XPNPEP2: variants seen among roughly 807,000 people sequenced by gnomAD.
XPNPEP2 encodes X-prolyl aminopeptidase 2, also known as xaa-Pro aminopeptidase 2.
XPNPEP2 carries 64 observed loss-of-function variants against 59.8 expected under a neutral mutation model. That is an observed-to-expected ratio of 1.07 (90% CI 0.87 to 1.32). XPNPEP2 has a LOEUF of 1.32. Among genes scored for constraint, XPNPEP2 ranks in the 40% most tolerant of loss-of-function variants. The probability of loss-of-function intolerance (pLI) is 0.00; values close to 1 mark genes in which losing one functional copy is unlikely to be tolerated. For missense variants in XPNPEP2, 575 were observed against 546.8 expected, an observed-to-expected ratio of 1.05 and a Z score of -0.51; for synonymous variants, 235 against 210.0, an observed-to-expected ratio of 1.12 and a Z score of -1.03.
At chrX:129,758,177 T>TAGGG (rs1926591178) in intron 14 of XPNPEP2, among the ~76,000 whole-genome samples, 1 of 111,629 alleles carries the variant, frequency 9.0e-6, no homozygotes, top group Non-Finnish European at 1.9e-5. Flanking sequence ...GCTCTTTGCT[T>TAGGG]GTTCTTAGCA....
rs1197380561 is a variant in XPNPEP2, at chrX:129,768,739, G to A, written c.*254G>A. 2 of 278,153 alleles carry A rather than the reference G, an allele frequency of 7.2e-6. No homozygotes were observed. Among genetic ancestry groups the A allele is most frequent in the Non-Finnish European group, 1.3e-5 (2 of 159,189 alleles). 22.9% of individuals were successfully genotyped at this position (278,153 alleles called of 1,213,427 possible). A position where few individuals can be genotyped will look rare whatever the true frequency, so the allele number is the denominator to read the frequency against. ...CCCTGGGCCCCTAATCCCAGGCCCC[G>A]AGATAGGAAAGCCAGCTAGTCTCTT... On this transcript the variant is annotated 3_prime_UTR_variant, in exon 21 of 21. Coordinates refer to ENST00000371106, the MANE Select transcript of XPNPEP2 (RefSeq NM_003399.6).
At chrX:129,756,731 T>C in intron 14 of XPNPEP2, among the ~76,000 whole-genome samples, 176 bp downstream of exon 14, 1 of 109,834 alleles carries the variant, frequency 9.1e-6, no homozygotes, top group Middle Eastern at 4.7e-3. Context: ...CCCTGCACAG[T>C]GGGAAATACA....
chrX:129,746,406 G>C, intron 5 of XPNPEP2, 66 bp downstream of exon 5: 1 of 1,065,470 alleles, frequency 9.4e-7, no homozygotes, highest in East Asian at 3.0e-5. Context: ...GAAGGTATAG[G>C]TGAGAGCGTG....
chrX:129,765,766 T>A (rs1468108541), intron 19 of XPNPEP2, among the ~76,000 whole-genome samples: 1 of 108,363 alleles, frequency 9.2e-6, no homozygotes, highest in Non-Finnish European at 1.9e-5. Flanking sequence ...GTCTCTTGAG[T>A]AGCTGGAATT....
Position 129,744,064 on chromosome X carries a change from C to T in XPNPEP2, c.227C>T (p.Ala76Val). ...LSAYIIPGTD[A>V]HMNEYIGQHD... ...GCCTACATCATCCCAGGCACAGATGCTCACATGGTAAGAGACAGCTTCTCT... is the reference window on the plus strand; with the variant it reads ...GCCTACATCATCCCAGGCACAGATGTTCACATGGTAAGAGACAGCTTCTCT... The change falls in exon 3 of 21, where the codon GCT (alanine) becomes GTT (valine). Residue 76 changes from alanine (A) to valine (V), a missense_variant. Ala to Val is a moderately conservative substitution (Grantham distance 64). Coordinates refer to ENST00000371106, the MANE Select transcript of XPNPEP2 (RefSeq NM_003399.6). The T allele has an allele frequency of 1.7e-6, 2 of 1,209,171 alleles. No individual in the cohort carries two copies. Among genetic ancestry groups the T allele is most frequent in the African/African-American group, 1.7e-5 (1 of 57,740 alleles).
chrX:129,740,579 A>C (rs1349283776), intron 1 of XPNPEP2, among the ~76,000 whole-genome samples: 1 of 108,855 alleles, frequency 9.2e-6, no homozygotes, highest in East Asian at 2.9e-4. Flanking sequence ...CAGTGAGCCA[A>C]GATTGTGCCA....
At chrX:129,747,526 A>G in intron 6 of XPNPEP2, 81 bp from the exon 7 acceptor site, 1 of 1,163,435 alleles carries the variant, frequency 8.6e-7, no homozygotes, top group Non-Finnish European at 1.2e-6. Flanking sequence ...AAAGGGAACC[A>G]GGACTAACTT....
intron 8 of XPNPEP2, among the ~76,000 whole-genome samples, chrX:129,751,110 C>A (rs868601659): frequency 0.016 from 1,381 of 85,003 alleles, 43 homozygotes; most frequent in African/African-American, 0.054. Flanking sequence ...CCCCACCCCC[C>A]CCCCCCGGCA....
At position 129,744,048 on chromosome X, in the gene XPNPEP2, A is replaced by G; in HGVS notation, c.211A>G (p.Ile71Val). 8.3e-7 allele frequency: 1 copy of G among 1,211,195 alleles called. No individual in the cohort carries two copies. The highest frequency in any genetic ancestry group is 1.1e-6 in the Non-Finnish European group (1 of 895,077). ...MQTQNLSAYIIPGTDAHMNEY... is the reference protein window; with the variant it reads ...MQTQNLSAYIVPGTDAHMNEY... ...GACCCAGAATCTCTCAGCCTACATC[A>G]TCCCAGGCACAGATGCTCACATGGT... is the stretch of plus-strand genomic sequence containing the variant. The change falls in exon 3 of 21, where the codon ATC becomes GTC. Residue 71 changes from isoleucine to valine, a missense_variant. Physicochemically the swap from Ile to Val is conservative, Grantham distance 29. Transcript: ENST00000371106.
intron 15 of XPNPEP2, among the ~76,000 whole-genome samples, chrX:129,760,050 C>T (rs1448819065): frequency 1.8e-5 from 2 of 112,409 alleles, no homozygotes; most frequent in Admixed American, 9.4e-5. Flanking sequence ...GAAGCATGCA[C>T]GCTGTTGGCA....
intron 14 of XPNPEP2, among the ~76,000 whole-genome samples, chrX:129,757,375 A>G (rs1335070868): frequency 1.8e-5 from 2 of 110,742 alleles, no homozygotes; most frequent in African/African-American, 6.6e-5. Flanking sequence ...CACCAACGTC[A>G]TGCAGACTCC....
intron 19 of XPNPEP2, 139 bp downstream of exon 19, chrX:129,762,909 G>A (rs1926684666): frequency 1.8e-6 from 1 of 548,471 alleles, no homozygotes; most frequent in East Asian, 3.5e-5. Flanking sequence ...GTCTTCCTTA[G>A]GAATTCCATA....
chrX:129,768,196 A>T (rs1300752453), intron 20 of XPNPEP2, 95 bp from the exon 21 acceptor site: 1 of 894,384 alleles, frequency 1.1e-6, no homozygotes, highest in African/African-American at 2.0e-5. Context: ...CTATGGTGAC[A>T]GCTGGAGTAC....
intron 1 of XPNPEP2, among the ~76,000 whole-genome samples, chrX:129,741,151 A>G (rs1602893829): frequency 1.1e-5 from 1 of 87,879 alleles, no homozygotes; most frequent in East Asian, 4.9e-4. Flanking sequence ...GGCGCTTAGG[A>G]GATGGTTGCT....
chrX:129,759,720 G>A (rs1425700330), intron 15 of XPNPEP2, among the ~76,000 whole-genome samples: 4 of 112,984 alleles, frequency 3.5e-5, no homozygotes, highest in African/African-American at 9.6e-5. Context: ...GCAGCAGGCC[G>A]ACTATGGGGC....
chrX:129,765,033 C>T (rs752979132), intron 19 of XPNPEP2, among the ~76,000 whole-genome samples: 15 of 112,036 alleles, frequency 1.3e-4, no homozygotes, highest in Non-Finnish European at 2.4e-4. Context: ...CAGTTTCCTT[C>T]CTGAGAACAT....
In XPNPEP2 at chrX:129,744,019, T is replaced by C. The variant is rs1218448647; in HGVS notation, c.182T>C (p.Met61Thr). The change falls in exon 3 of 21, where the codon ATG becomes ACG. Residue 61 changes from methionine to threonine, a missense_variant. Transcript: ENST00000371106. ...TMSLTALRQQMQTQNLSAYII... is the reference protein window; with the variant it reads ...TMSLTALRQQTQTQNLSAYII... Reference sequence around the variant, plus strand: ...TCACTCACAGCCCTCCGCCAGCAGATGCAGACCCAGAATCTCTCAGCCTAC... The same window carrying C: ...TCACTCACAGCCCTCCGCCAGCAGACGCAGACCCAGAATCTCTCAGCCTAC... 1.7e-6 allele frequency: 2 copies of C among 1,210,495 alleles called. No individual in the cohort carries two copies. Among genetic ancestry groups the C allele is most frequent in the Non-Finnish European group, 2.2e-6 (2 of 895,388 alleles).
chrX:129,754,496 C>T lies in XPNPEP2; in HGVS notation c.1132C>T (p.Arg378Trp), dbSNP rs761964596. 6.7e-6 allele frequency: 8 copies of T among 1,193,156 alleles called. No homozygotes were observed. The East Asian group carries it at 1.5e-4, about 23-fold the overall frequency. ...GGTGCGGGACGCTGTGGCTGTGATC[C>T]GGTACTTGGTCTGGCTGGAGAAGAA... ...SHVRDAVAVIRYLVWLEKNVP... is the reference protein window; with the variant it reads ...SHVRDAVAVIWYLVWLEKNVP... Residue 378 changes from arginine to tryptophan, a missense_variant, in exon 12 of 21, where the codon CGG becomes TGG. Arg to Trp is a moderately radical substitution (Grantham distance 101). Coordinates refer to ENST00000371106, the MANE Select transcript of XPNPEP2 (RefSeq NM_003399.6).
At chrX:129,767,728 T>G (rs1926778523) in intron 20 of XPNPEP2, 36 bp downstream of exon 20, 1 of 1,189,953 alleles carries the variant, frequency 8.4e-7, no homozygotes, top group African/African-American at 1.7e-5. Flanking sequence ...TCCCTGACCC[T>G]GGGCCTTTCC....
Sources: gnomAD v4.1 joint callset for allele counts (sites outside exome capture counted in the v4.1 genomes callset) on GRCh38, gnomAD v4.1.1 for gene constraint, MANE v1.5 for transcripts, NCBI Gene and HGNC (gene_info 2026-07-23, HGNC 2026-07-21) for gene names.